Variants in TENM1 observed in about 807,000 individuals in gnomAD.
The protein encoded by TENM1 is teneurin transmembrane protein 1, also known as teneurin-1.
TENM1 carries 35 observed loss-of-function variants against 174.8 expected under a neutral mutation model. The ratio of observed to expected loss-of-function variants is 0.20; its 90% CI spans 0.15 to 0.27. The LOEUF is 0.27. TENM1 is among the 10% of genes least tolerant of loss of function. The pLI, the probability that TENM1 is intolerant of heterozygous loss-of-function variation, is 1.00. For synonymous variants in TENM1, 781 were observed against 798.7 expected, an observed-to-expected ratio of 0.98 and a Z score of 0.37; for missense variants, 1,633 against 2,130.1, an observed-to-expected ratio of 0.77 and a Z score of 4.59.
At chrX:124,471,594 A>T (rs1418898328) in intron 22 of TENM1, among the ~76,000 whole-genome samples, 1 of 77,471 alleles carries the variant, frequency 1.3e-5, no homozygotes, top group East Asian at 3.7e-4. Context: ...ATAATTATAT[A>T]ATATAGAGTA....
chrX:124,646,848 A>T, intron 8 of TENM1, 38 bp from the exon 12 acceptor site: 1 of 967,102 alleles, frequency 1.0e-6, no homozygotes. Flanking sequence ...AAATGAACGC[A>T]TCTCCAGGCT....
intron 3 of TENM1, among the ~76,000 whole-genome samples, chrX:124,870,455 G>A (rs1288542153): frequency 9.0e-6 from 1 of 111,646 alleles, no homozygotes; most frequent in East Asian, 2.8e-4. Context: ...CAGGGTAAAG[G>A]TATTAAGAGT....
At chrX:124,632,080 T>G (rs1203831730) in intron 11 of TENM1, among the ~76,000 whole-genome samples, 2 of 107,244 alleles carry the variant, frequency 1.9e-5, no homozygotes, top group Non-Finnish European at 3.9e-5. Flanking sequence ...ACTCAGCTAA[T>G]TTTTGTATTT....
chrX:125,195,950 C>T, the TENM1 span, among the ~76,000 whole-genome samples: 1 of 104,667 alleles, frequency 9.6e-6, no homozygotes, highest in East Asian at 3.0e-4. Context: ...CAACCCAAAC[C>T]TTAAAAGTAG....
chrX:124,394,874 C>T (rs1387202673), intron 27 of TENM1, among the ~76,000 whole-genome samples: 1 of 110,584 alleles, frequency 9.0e-6, no homozygotes, highest in Non-Finnish European at 1.9e-5. Flanking sequence ...TGTCTTACTA[C>T]ATGATAAACA....
At chrX:124,688,954 T>C (rs1056486652) in intron 5 of TENM1, 1 of 112,006 alleles carries the variant, frequency 8.9e-6, no homozygotes, top group Non-Finnish European at 1.9e-5. Flanking sequence ...AATTTGATTA[T>C]AGTAATCGTT....
chrX:125,085,476 G>T, the TENM1 span, among the ~76,000 whole-genome samples: 1 of 110,697 alleles, frequency 9.0e-6, no homozygotes, highest in Admixed American at 9.6e-5. Context: ...TGTACATATT[G>T]CTATTTACTT....
chrX:124,512,488 T>G (rs1027957677), intron 18 of TENM1, among the ~76,000 whole-genome samples: 1 of 111,392 alleles, frequency 9.0e-6, no homozygotes, highest in Non-Finnish European at 1.9e-5. Flanking sequence ...AACTAGTGAC[T>G]GTGACTTTTG....
intron 23 of TENM1, among the ~76,000 whole-genome samples, chrX:124,439,644 T>C (rs193012342): frequency 9.0e-5 from 10 of 111,650 alleles, no homozygotes; most frequent in Admixed American, 1.9e-4. Flanking sequence ...GGTACACCTA[T>C]GTGAAAAGGA....
chrX:124,413,126 G>T (rs1204083012), intron 25 of TENM1, among the ~76,000 whole-genome samples: 1 of 111,946 alleles, frequency 8.9e-6, no homozygotes, highest in Non-Finnish European at 1.9e-5. Context: ...TTTTTCAAGG[G>T]GATAAAAGGA....
At chrX:124,508,401 G>C (rs2047499413) in intron 18 of TENM1, among the ~76,000 whole-genome samples, 1 of 112,344 alleles carries the variant, frequency 8.9e-6, no homozygotes, top group African/African-American at 3.2e-5. Flanking sequence ...TGTTAAGACA[G>C]TGAATTATAG....
At chrX:124,514,936 GC>G (rs1260849460) in intron 18 of TENM1, among the ~76,000 whole-genome samples, 2 of 109,952 alleles carry the variant, frequency 1.8e-5, no homozygotes, top group South Asian at 7.8e-4. Flanking sequence ...GAATATTGAT[GC>G]AAAAATCCTT....
exon 28 of TENM1, chrX:124,392,180 G>A (rs780931551): frequency 8.3e-7 from 1 of 1,210,917 alleles, no homozygotes; most frequent in Non-Finnish European, 1.1e-6. Flanking sequence ...AATCCCGAAG[G>A]TGAATATGTG....
intron 24 of TENM1, among the ~76,000 whole-genome samples, chrX:124,421,614 CTTTTT>C (rs34110361): frequency 1.1e-5 from 1 of 95,025 alleles, no homozygotes; most frequent in Non-Finnish European, 2.1e-5. Context: ...GGAGAAGGCT[CTTTTT>C]TTTTTTTTTT....
chrX:125,171,273 A>G, the TENM1 span, among the ~76,000 whole-genome samples: 1 of 111,038 alleles, frequency 9.0e-6, no homozygotes, highest in Admixed American at 9.6e-5. Flanking sequence ...GGTCCAGAAA[A>G]AAAAAATAAC....
At position 124,963,636 on chromosome X, in the gene TENM1, A is replaced by G. The variant is rs36065191; in HGVS notation, c.118T>C (p.Tyr40His). The G allele has an allele frequency of 4.2e-4, 514 of 1,210,008 alleles. 2 individuals carry two copies. The African/African-American group carries it at 7.7e-3, about 18-fold the overall frequency. The change falls in exon 1 of 32, where the codon TAC becomes CAC. Residue 40 changes from tyrosine to histidine, a missense_variant. Coordinates refer to ENST00000422452, the Ensembl canonical transcript of TENM1. ...TCGTGCAGGGTCTCCCTGGAGTTGT[A>G]TGACTGTCTTGGTTTTCTTCCATCT...
At chrX:124,776,564 T>C (rs2054789484) in intron 3 of TENM1, among the ~76,000 whole-genome samples, 2 of 112,290 alleles carry the variant, frequency 1.8e-5, no homozygotes, top group African/African-American at 3.2e-5. Flanking sequence ...ACCTTTTCGA[T>C]GAATATCGAT....
chrX:125,084,693 C>T, the TENM1 span, among the ~76,000 whole-genome samples: 1 of 110,841 alleles, frequency 9.0e-6, no homozygotes, highest in Non-Finnish European at 1.9e-5. Context: ...GGAATCTGAC[C>T]CCAAATCACA....
intron 11 of TENM1, among the ~76,000 whole-genome samples, chrX:124,616,868 A>G (rs1461056892): frequency 8.9e-6 from 1 of 111,895 alleles, no homozygotes; most frequent in Non-Finnish European, 1.9e-5. Flanking sequence ...AAGAAAAAAA[A>G]TGAAGGAAAC....
Sources: gnomAD v4.1 joint callset for allele counts (sites outside exome capture counted in the v4.1 genomes callset) on GRCh38, gnomAD v4.1.1 for gene constraint, MANE v1.5 for transcripts, NCBI Gene and HGNC (gene_info 2026-07-23, HGNC 2026-07-21) for gene names.